The following ZDHHC3 variants were observed in gnomAD, a reference collection of about 807,000 sequenced individuals.
ZDHHC3 encodes palmitoyltransferase ZDHHC3.
In ZDHHC3, 9 loss-of-function variants were observed where a neutral mutation model predicts 30.6. That is an observed-to-expected ratio of 0.29 (90% CI 0.18 to 0.51). The LOEUF (loss-of-function observed/expected upper bound fraction) is 0.51. ZDHHC3 is among the 20% of genes least tolerant of loss of function. ZDHHC3 has a pLI of 0.97. For missense variants in ZDHHC3, 246 were observed against 384.2 expected, an observed-to-expected ratio of 0.64 and a Z score of 3.01; for synonymous variants, 136 against 140.2, an observed-to-expected ratio of 0.97 and a Z score of 0.21.
chr3:44,932,184 C>G (rs778799115), intron 5 of ZDHHC3, among the ~76,000 whole-genome samples: 1 of 152,150 alleles, frequency 6.6e-6, no homozygotes, highest in African/African-American at 2.4e-5. Context: ...AGAATGCTCA[C>G]CAAGTGATCA....
At chr3:44,966,857 A>G (rs1416531551) in intron 1 of ZDHHC3, among the ~76,000 whole-genome samples, 1 of 152,240 alleles carries the variant, frequency 6.6e-6, no homozygotes, top group African/African-American at 2.4e-5. Context: ...ATGAGTCACT[A>G]AACTTTTTCA....
At chr3:44,950,364 T>G (rs1234933954) in intron 2 of ZDHHC3, among the ~76,000 whole-genome samples, 1 of 152,170 alleles carries the variant, frequency 6.6e-6, no homozygotes, top group Non-Finnish European at 1.5e-5. Context: ...GCCACCAGAA[T>G]GTACTGTAAG....
chr3:44,937,843 T>C, intron 3 of ZDHHC3: 2 of 469,362 alleles, frequency 4.3e-6, no homozygotes, highest in Non-Finnish European at 8.4e-6. Flanking sequence ...TGGAAGGGTC[T>C]GAGGCTTACA....
intron 3 of ZDHHC3, chr3:44,937,996 T>C (rs977888533): frequency 1.5e-5 from 6 of 413,690 alleles, no homozygotes; most frequent in African/African-American, 4.1e-5. Flanking sequence ...ACCACTTTTT[T>C]TTTTGGAGAC....
Position 44,917,843 on chromosome 3 carries a change from GA to G in ZDHHC3, c.*8845del. 1 of 1,283,044 alleles carries G rather than the reference GA, an allele frequency of 7.8e-7. No individual in the cohort carries two copies. The highest frequency in any genetic ancestry group is 1.0e-6 in the Non-Finnish European group (1 of 982,512). The allele number at this position is 1,283,044 out of a possible 1,614,324, so 79.5% of individuals were successfully genotyped here. A position where few individuals can be genotyped will look rare whatever the true frequency, so the allele number is the denominator to read the frequency against. On this transcript the variant is annotated 3_prime_UTR_variant, in exon 7 of 7. Coordinates refer to ENST00000424952, the MANE Select transcript of ZDHHC3 (RefSeq NM_001135179.2). The stretch of plus-strand genomic sequence containing the variant: ...TAAGCCCCTTTAGCCAAAACCCCAG[GA>G]TGAAGGTTGACAGCACTTTTTAGTG...
At chr3:44,975,768 T>TCA (rs1392636735) in intron 1 of ZDHHC3, among the ~76,000 whole-genome samples, 165 bp downstream of exon 1, 6,012 of 140,344 alleles carry the variant, frequency 0.043, 198 homozygotes, top group African/African-American at 0.096. Flanking sequence ...TCTCTCTCTC[T>TCA]CTCTCACACA....
At chr3:44,929,562 G>A in intron 5 of ZDHHC3, 126 bp from the exon 6 acceptor site, 5 of 1,274,994 alleles carry the variant, frequency 3.9e-6, no homozygotes, top group Non-Finnish European at 5.4e-6. Flanking sequence ...GGTGCCATAG[G>A]TCTCTGGCCT....
chr3:44,975,772 T>TCACACACACACACACACACA (rs1185484134), intron 1 of ZDHHC3, among the ~76,000 whole-genome samples, 161 bp downstream of exon 1: 4 of 116,768 alleles, frequency 3.4e-5, no homozygotes, highest in South Asian at 3.1e-4. Context: ...TCTCTCTCTC[T>TCACACACACACACACACACA]CACACACACA....
chr3:44,941,977 G>GGA (rs370893124), intron 3 of ZDHHC3, among the ~76,000 whole-genome samples: 80 of 152,322 alleles, frequency 5.3e-4, no homozygotes, highest in African/African-American at 1.9e-3. Flanking sequence ...CCTATGAACA[G>GGA]GAGATTTGAC....
At chr3:44,936,476 AC>A (rs781524073) in intron 3 of ZDHHC3, among the ~76,000 whole-genome samples, 11 of 152,240 alleles carry the variant, frequency 7.2e-5, no homozygotes, top group Non-Finnish European at 1.5e-4. Context: ...AAGCAGAACG[AC>A]CATTCAACCC....
chr3:44,954,709 C>T lies in ZDHHC3; in HGVS notation c.306+4422G>A, dbSNP rs377685239. Among the ~76,000 whole-genome samples the T allele has an allele frequency of 4.2e-3, 645 of 152,242 alleles. 5 individuals are homozygous for T. Among genetic ancestry groups the T allele is most frequent in the Non-Finnish European group, 4.4e-3 (297 of 68,026 alleles). ...TCATAAGGGTTTATACAATTACTGT[C>T]ATTGTGTAACACTTGGCTTTGAGCT... On this transcript the variant is annotated intron_variant, in intron 2 of 6. Transcript: ENST00000424952.
At chr3:44,931,899 G>A (rs1198153536) in intron 5 of ZDHHC3, among the ~76,000 whole-genome samples, 5 of 152,156 alleles carry the variant, frequency 3.3e-5, no homozygotes, top group African/African-American at 4.8e-5. Context: ...TTATAAGGGC[G>A]AAACAATGCA....
chr3:44,936,038 C>T (rs535344366), intron 3 of ZDHHC3, among the ~76,000 whole-genome samples: 1 of 152,306 alleles, frequency 6.6e-6, no homozygotes, highest in Non-Finnish European at 1.5e-5. Flanking sequence ...GAAGCTTCTG[C>T]ATAGCAACAG....
At chr3:44,936,854 G>A (rs1423417445) in intron 3 of ZDHHC3, among the ~76,000 whole-genome samples, 1 of 144,652 alleles carries the variant, frequency 6.9e-6, no homozygotes, top group Admixed American at 7.1e-5. Context: ...ATGTACCCCC[G>A]AACATAAAAT....
intron 3 of ZDHHC3, among the ~76,000 whole-genome samples, chr3:44,935,014 T>A (rs1019981510): frequency 6.6e-6 from 1 of 152,172 alleles, no homozygotes; most frequent in Non-Finnish European, 1.5e-5. Flanking sequence ...TCAAGCTTAT[T>A]TGATAGCAAG....
intron 2 of ZDHHC3, among the ~76,000 whole-genome samples, chr3:44,949,660 G>A (rs1198455379): frequency 1.3e-5 from 2 of 152,104 alleles, no homozygotes; most frequent in African/African-American, 2.4e-5. Flanking sequence ...GTCTCACCTT[G>A]AGACATCCAA....
Position 44,919,057 on chromosome 3 carries a change from T to C in ZDHHC3, c.*7632A>G. Reference sequence around the variant, plus strand: ...ATCTCTGTGTATCTAGCACTTTTTCTTCCCACGCCATTTCAGAGATTTAAG... The same window carrying C: ...ATCTCTGTGTATCTAGCACTTTTTCCTCCCACGCCATTTCAGAGATTTAAG... On this transcript the variant is annotated 3_prime_UTR_variant, in exon 7 of 7. Coordinates refer to ENST00000424952, the MANE Select transcript of ZDHHC3 (RefSeq NM_001135179.2). The C allele has an allele frequency of 3.0e-6, 3 of 985,452 alleles. No individual in the cohort carries two copies. The highest frequency in any genetic ancestry group is 3.6e-6 in the Non-Finnish European group (3 of 829,926). 61.0% of individuals were successfully genotyped at this position (985,452 alleles called of 1,614,324 possible).
intron 3 of ZDHHC3, among the ~76,000 whole-genome samples, chr3:44,944,145 TA>T (rs1348291644): frequency 1.3e-5 from 2 of 151,472 alleles, no homozygotes; most frequent in South Asian, 2.1e-4. Context: ...CCCAGCTAAT[TA>T]AAAAAAAATT....
At chr3:44,944,055 C>A (rs1434408531) in intron 3 of ZDHHC3, among the ~76,000 whole-genome samples, 1 of 152,170 alleles carries the variant, frequency 6.6e-6, no homozygotes, top group Non-Finnish European at 1.5e-5. Context: ...TGGCTCACTG[C>A]AGCCTCGGAC....
Sources: allele counts gnomAD v4.1 joint callset (sites outside exome capture counted in the v4.1 genomes callset), GRCh38; gene constraint gnomAD v4.1.1; transcripts MANE v1.5; gene names NCBI Gene and HGNC (gene_info 2026-07-23, HGNC 2026-07-21).